LCTL: variants seen among roughly 807,000 people sequenced by gnomAD.
The protein encoded by LCTL is lactase like.
In LCTL, 76 loss-of-function variants were observed where a neutral mutation model predicts 75.8. The observed-to-expected ratio is 1.00, with a 90% CI of 0.83 to 1.21. The LOEUF (loss-of-function observed/expected upper bound fraction) is 1.21. LCTL is among the 50% of genes most tolerant of loss of function. The pLI, the probability that LCTL is intolerant of heterozygous loss-of-function variation, is 0.00. For synonymous variants in LCTL, 271 were observed against 268.8 expected (o/e 1.01, Z -0.08); for missense variants, 670 against 712.4 (o/e 0.94, Z 0.68).
intron 3 of LCTL, 31 bp from the exon 5 acceptor site, chr15:66,563,656 G>A (rs779103858): frequency 6.6e-7 from 1 of 1,517,044 alleles, no homozygotes; most frequent in Non-Finnish European, 9.1e-7. Flanking sequence ...GATGCTACCA[G>A]AAAGGACCTC....
chr15:66,550,026 A>G lies in LCTL; in HGVS notation c.1588+15T>C. 4 of 1,558,430 alleles carry G rather than the reference A, an allele frequency of 2.6e-6. No individual in the cohort carries two copies. Among genetic ancestry groups the G allele is most frequent in the Non-Finnish European group, 3.5e-6 (4 of 1,149,618 alleles). Reference sequence around the variant, plus strand: ...TTTAATTATTAAAGGAAAACATTGAAATATACTGACTCACCTGCAGCAAGC... The same window carrying G: ...TTTAATTATTAAAGGAAAACATTGAGATATACTGACTCACCTGCAGCAAGC... On this transcript the variant is annotated intron_variant, in intron 12 of 12. Coordinates refer to ENST00000341509, the Ensembl canonical transcript of LCTL.
rs752480803 is a variant in LCTL at position 66,552,667 on chromosome 15, CAA to C, written c.1197+315_1197+316del. Among the ~76,000 whole-genome samples, 43 of 53,108 alleles carry C rather than the reference CAA, an allele frequency of 8.1e-4. 1 individual carries two copies. The highest frequency in any genetic ancestry group is 1.6e-3 in the African/African-American group (31 of 18,796). The allele number at this position is 53,108 out of a possible 152,430, so 34.8% of individuals were successfully genotyped here. On this transcript the variant is annotated intron_variant, in intron 9 of 12. Coordinates refer to ENST00000341509, the Ensembl canonical transcript of LCTL. Reference sequence around the variant, plus strand: ...CCTGGGTGACAGAGTGAGACTGTCTCAAAAAAAAAAAAAAAAAAAAAACATTG... The same window carrying C: ...CCTGGGTGACAGAGTGAGACTGTCTCAAAAAAAAAAAAAAAAAAAACATTG...
rs1895960938 is a variant in LCTL, at chr15:66,564,060, A to G, written c.283-62T>C. On this transcript the variant is annotated intron_variant, in intron 2 of 12. Transcript: ENST00000341509. The stretch of plus-strand genomic sequence containing the variant: ...CCCTGGGTATGGGAGGTAGGGGTCC[A>G]TCGGGCTCTAGGGCCGAGGCTCACT... 3 of 1,100,504 alleles carry G rather than the reference A, an allele frequency of 2.7e-6. No homozygotes were observed. In the East Asian group the frequency reaches 7.0e-5, roughly 26 times the overall value. 68.2% of individuals were successfully genotyped at this position (1,100,504 alleles called of 1,614,324 possible). A position where few individuals can be genotyped will look rare whatever the true frequency, so the allele number is the denominator to read the frequency against.
At chr15:66,555,596 C>T (rs1391341917) in intron 8 of LCTL, among the ~76,000 whole-genome samples, 1 of 151,818 alleles carries the variant, frequency 6.6e-6, no homozygotes, top group Non-Finnish European at 1.5e-5. Flanking sequence ...AGCACCGTGA[C>T]AATTAATTAG....
At chr15:66,562,022 G>A (rs891390019) in intron 4 of LCTL, among the ~76,000 whole-genome samples, 2 of 151,852 alleles carry the variant, frequency 1.3e-5, no homozygotes, top group Admixed American at 6.6e-5. Context: ...TTTGCCATGC[G>A]CCCTCCAATC....
intron 8 of LCTL, among the ~76,000 whole-genome samples, chr15:66,553,612 G>A (rs910613770): frequency 3.3e-5 from 5 of 151,982 alleles, no homozygotes; most frequent in South Asian, 2.1e-4. Flanking sequence ...AAAATTAGCC[G>A]GGCGTGGTGG....
chr15:66,565,223 C>G (rs1374802654), intron 1 of LCTL, 25 bp downstream of exon 2: 1 of 1,477,036 alleles, frequency 6.8e-7, no homozygotes, highest in Non-Finnish European at 9.5e-7. Flanking sequence ...GACAGGCAGA[C>G]AGACGAACAG....
chr15:66,561,235 C>T (rs199579143), exon 5 of LCTL: 19 of 1,614,098 alleles, frequency 1.2e-5, no homozygotes, highest in Non-Finnish European at 1.4e-5. Flanking sequence ...CCCCAAAGGC[C>T]TCAAAGCACA....
exon 9 of LCTL, chr15:66,552,989 C>T (rs752353879): frequency 6.9e-7 from 1 of 1,443,614 alleles, no homozygotes; most frequent in Non-Finnish European, 9.1e-7. Context: ...ATCACCTGAG[C>T]AAAGTTAAGG....
chr15:66,557,896 G>C lies in LCTL; in HGVS notation c.761-13C>G, dbSNP rs762441856. On this transcript the variant is annotated splice_polypyrimidine_tract_variant and intron_variant, in intron 7 of 12. Transcript: ENST00000341509. ...ATTCCCACCAGACCTTAAAAGAAAA[G>C]AAAGAAAAGGGAGTGGGGAGTGGGC... is the stretch of plus-strand genomic sequence containing the variant. 3.1e-6 allele frequency: 5 copies of C among 1,613,154 alleles called. No homozygotes were observed. In the African/African-American group the frequency reaches 6.7e-5, roughly 22 times the overall value.
chr15:66,552,180 G>C lies in LCTL; in HGVS notation c.1198-11C>G. 6.2e-7 allele frequency: 1 copy of C among 1,601,194 alleles called. No individual in the cohort carries two copies. Among genetic ancestry groups the C allele is most frequent in the Non-Finnish European group, 8.5e-7 (1 of 1,176,676 alleles). ...ATCACCGTATTGAGTCTGAAAGTGA[G>C]TCATAGCAACAAATATCTTAAAAAT... is the stretch of plus-strand genomic sequence containing the variant. On this transcript the variant is annotated splice_polypyrimidine_tract_variant and intron_variant, in intron 9 of 12. Coordinates refer to ENST00000341509, the Ensembl canonical transcript of LCTL.
rs772332368 is a variant in LCTL, at chr15:66,548,177, TAAAC to T, written c.*309_*312del. 16 of 190,310 alleles carry T rather than the reference TAAAC, an allele frequency of 8.4e-5. 1 individual carries two copies. In the South Asian group the frequency reaches 2.0e-3, roughly 24 times the overall value. The allele number at this position is 190,310 out of a possible 1,614,324, so 11.8% of individuals were successfully genotyped here. Reference sequence around the variant, plus strand: ...TATTTCTGGACAGATTTTAGAGTGATAAACAATCAAGTCACAACAGTTTGTATAC... The same window carrying T: ...TATTTCTGGACAGATTTTAGAGTGATAATCAAGTCACAACAGTTTGTATAC... On this transcript the variant is annotated 3_prime_UTR_variant, in exon 13 of 13. Transcript: ENST00000341509.
At chr15:66,564,614 G>T in intron 2 of LCTL, 62 bp downstream of exon 3, 3 of 1,548,238 alleles carry the variant, frequency 1.9e-6, no homozygotes, top group Non-Finnish European at 2.6e-6. Flanking sequence ...CTCCCAGCTA[G>T]GCATGTACTC....
intron 10 of LCTL, 73 bp downstream of exon 11, chr15:66,551,970 G>C: frequency 6.4e-7 from 1 of 1,559,198 alleles, no homozygotes; most frequent in South Asian, 1.2e-5. Flanking sequence ...GCAAGTTTCA[G>C]TTGATTGTGT....
intron 8 of LCTL, among the ~76,000 whole-genome samples, chr15:66,554,702 T>A (rs1895700704): frequency 6.6e-6 from 1 of 152,170 alleles, no homozygotes; most frequent in Non-Finnish European, 1.5e-5. Context: ...GTCAGTAGGG[T>A]CTGGTTATGT....
chr15:66,558,502 A>G (rs1236910359), intron 6 of LCTL, among the ~76,000 whole-genome samples: 3 of 152,156 alleles, frequency 2.0e-5, no homozygotes, highest in Non-Finnish European at 2.9e-5. Context: ...GGGTAGGTCA[A>G]CACCTAAGAG....
At chr15:66,564,947 C>G in intron 1 of LCTL, 108 bp from the exon 3 acceptor site, 1 of 1,037,324 alleles carries the variant, frequency 9.6e-7, no homozygotes, top group South Asian at 1.5e-5. Context: ...CCCTACCACG[C>G]TGCCCCTGTC....
chr15:66,561,033 C>G, exon 6 of LCTL: 1 of 1,614,140 alleles, frequency 6.2e-7, no homozygotes, highest in African/African-American at 1.3e-5. Context: ...CTGCCTTGTA[C>G]AGGCCGGTGC....
At position 66,552,087 on chromosome 15, in the gene LCTL, C is replaced by T; in HGVS notation, c.1280G>A (p.Trp427Ter). ...GTATCCTTTAAGGTATTGAATTCTC[C>T]ACTCATCACATAATTGAGTACAGTG... is the stretch of plus-strand genomic sequence containing the variant. The change falls in exon 10 of 13, where the codon TGG (tryptophan) becomes TAG (stop). Residue 427 changes from tryptophan (W) to a stop codon, truncating the protein, a stop_gained. Coordinates refer to ENST00000341509, the Ensembl canonical transcript of LCTL. LOFTEE classifies it high-confidence loss of function. The T allele has an allele frequency of 6.2e-7, 1 of 1,612,538 alleles. No homozygotes were observed. The highest frequency in any genetic ancestry group is 8.5e-7 in the Non-Finnish European group (1 of 1,178,922).
Sources: allele counts gnomAD v4.1 joint callset (sites outside exome capture counted in the v4.1 genomes callset), GRCh38; gene constraint gnomAD v4.1.1; transcripts MANE v1.5; gene names NCBI Gene and HGNC (gene_info 2026-07-23, HGNC 2026-07-21).